KCNH8: variants seen among roughly 807,000 people sequenced by gnomAD.
KCNH8 encodes voltage-gated delayed rectifier potassium channel KCNH8.
In KCNH8, 70 loss-of-function variants were observed where a neutral mutation model predicts 103.6. That is an observed-to-expected ratio of 0.68 (90% CI 0.56 to 0.82). The LOEUF (loss-of-function observed/expected upper bound fraction) is 0.82. Ranked by LOEUF, KCNH8 falls within the 40% of genes least tolerant of loss-of-function variation. The pLI is 0.00. For synonymous variants in KCNH8, 498 were observed against 489.4 expected (o/e 1.02, Z -0.23); for missense variants, 1,217 against 1,329.9 (o/e 0.92, Z 1.32).
At chr3:19,389,831 T>G (rs1243065336) in intron 5 of KCNH8, among the ~76,000 whole-genome samples, 1 of 152,062 alleles carries the variant, frequency 6.6e-6, no homozygotes, top group Admixed American at 6.6e-5. Context: ...GTTCTCGTTT[T>G]GTTGCCCAGA....
At position 19,413,078 on chromosome 3, in the gene KCNH8, C is replaced by T. The variant is rs75638029; in HGVS notation, c.1177+17767C>T. On this transcript the variant is annotated intron_variant, in intron 7 of 15. Transcript: ENST00000328405. The stretch of plus-strand genomic sequence containing the variant: ...TACATATGCACTCGCATGTTCATTG[C>T]AGCACTATTCAAATGCAATAGCAAA... Among the ~76,000 whole-genome samples, 766 of 151,732 alleles carry T rather than the reference C, an allele frequency of 5.0e-3. 11 individuals carry two copies. Among genetic ancestry groups the T allele is most frequent in the African/African-American group, 0.017 (699 of 41,356 alleles).
intron 3 of KCNH8, among the ~76,000 whole-genome samples, chr3:19,284,869 TAA>T (rs1263075004): frequency 1.0e-5 from 1 of 96,458 alleles, no homozygotes; most frequent in African/African-American, 3.5e-5. Flanking sequence ...GTCCTTTTTA[TAA>T]AAAAAAAAAA....
chr3:19,202,382 A>G (rs1284496206), intron 1 of KCNH8, among the ~76,000 whole-genome samples: 1 of 152,170 alleles, frequency 6.6e-6, no homozygotes, highest in East Asian at 1.9e-4. Context: ...CAATGAAGTC[A>G]TTTCTAATTT....
intron 1 of KCNH8, among the ~76,000 whole-genome samples, chr3:19,179,958 G>A (rs180961529): frequency 4.6e-5 from 7 of 152,168 alleles, no homozygotes; most frequent in Admixed American, 2.6e-4. Context: ...GTTTTCTGAC[G>A]TAAGACTGAT....
At chr3:19,255,830 A>T (rs189509944) in intron 2 of KCNH8, among the ~76,000 whole-genome samples, 7 of 152,156 alleles carry the variant, frequency 4.6e-5, no homozygotes, top group Admixed American at 4.6e-4. Context: ...AAAAGTTAAG[A>T]CAAGGCTAGA....
At chr3:19,403,399 T>TATATATATATATATATAA (rs1491066162) in intron 7 of KCNH8, among the ~76,000 whole-genome samples, 1 of 139,768 alleles carries the variant, frequency 7.2e-6, no homozygotes, top group East Asian at 2.2e-4. Context: ...TATATATATA[T>TATATATATATATATATAA]AAAATCCTTC....
intron 11 of KCNH8, among the ~76,000 whole-genome samples, chr3:19,476,561 G>T (rs1046916446): frequency 2.6e-5 from 4 of 152,054 alleles, no homozygotes; most frequent in African/African-American, 9.7e-5. Context: ...TCACTGGGGG[G>T]CATGGGATCT....
rs566780285 is a variant in KCNH8, at chr3:19,154,454, A to G, written c.76+5659A>G. Among the ~76,000 whole-genome samples, 231 of 152,330 alleles carry G rather than the reference A, an allele frequency of 1.5e-3. 3 individuals carry two copies. The highest frequency in any genetic ancestry group is 4.9e-3 in the African/African-American group (202 of 41,580). On this transcript the variant is annotated intron_variant, in intron 1 of 15. Coordinates refer to ENST00000328405, the MANE Select transcript of KCNH8 (RefSeq NM_144633.3). ...TATTTTGGTAAAAAACTATGGTGCC[A>G]TCTATGTCTAGTTAAAAAACTTCCA...
At chr3:19,526,597 A>C (rs535718784) in intron 15 of KCNH8, among the ~76,000 whole-genome samples, 6 of 151,982 alleles carry the variant, frequency 3.9e-5, no homozygotes, top group Non-Finnish European at 8.8e-5. Context: ...CTAACTGTGG[A>C]CACTGACAAC....
intron 1 of KCNH8, among the ~76,000 whole-genome samples, chr3:19,246,862 C>T (rs932799459): frequency 2.0e-5 from 3 of 152,104 alleles, no homozygotes; most frequent in Admixed American, 2.0e-4. Flanking sequence ...TGCTGGCCCA[C>T]GACTATGCAC....
At chr3:19,348,084 T>C in intron 5 of KCNH8, 119 bp downstream of exon 5, 2 of 1,238,114 alleles carry the variant, frequency 1.6e-6, no homozygotes, top group Non-Finnish European at 2.2e-6. Context: ...TCAGCCTCTG[T>C]TGCAAATTTT....
intron 11 of KCNH8, among the ~76,000 whole-genome samples, chr3:19,509,819 G>A (rs2068753020): frequency 6.6e-6 from 1 of 152,060 alleles, no homozygotes; most frequent in Non-Finnish European, 1.5e-5. Flanking sequence ...AAAACAAGTG[G>A]AACAGAAAGG....
intron 1 of KCNH8, among the ~76,000 whole-genome samples, chr3:19,158,512 A>G (rs112959522): frequency 0.032 from 4,786 of 151,910 alleles, 252 homozygotes; most frequent in African/African-American, 0.11. Flanking sequence ...GGACTGATCT[A>G]CAGGAAATAC....
At chr3:19,326,382 T>TATATATATATATATATATATATATAA (rs879457927) in intron 3 of KCNH8, among the ~76,000 whole-genome samples, 5 of 142,548 alleles carry the variant, frequency 3.5e-5, no homozygotes, top group African/African-American at 1.3e-4. Context: ...TATATATATA[T>TATATATATATATATATATATATATAA]AATAAATGAT....
chr3:19,433,305 T>A (rs2067150241), intron 7 of KCNH8, among the ~76,000 whole-genome samples: 1 of 152,180 alleles, frequency 6.6e-6, no homozygotes, highest in Admixed American at 6.5e-5. Flanking sequence ...TACATGAGAA[T>A]GTGAAAATCT....
At chr3:19,355,116 A>C (rs945094134) in intron 5 of KCNH8, among the ~76,000 whole-genome samples, 2 of 152,242 alleles carry the variant, frequency 1.3e-5, no homozygotes, top group Non-Finnish European at 2.9e-5. Context: ...TATGCAGCCA[A>C]CAGACACATG....
intron 7 of KCNH8, among the ~76,000 whole-genome samples, chr3:19,403,401 A>ATATATATAT (rs1559311343): frequency 9.5e-6 from 1 of 105,212 alleles, no homozygotes; most frequent in Admixed American, 9.6e-5. Flanking sequence ...TATATATATA[A>ATATATATAT]AATCCTTCTG....
intron 3 of KCNH8, among the ~76,000 whole-genome samples, chr3:19,307,082 C>A (rs1262403713): frequency 2.6e-5 from 4 of 151,792 alleles, no homozygotes; most frequent in Admixed American, 1.3e-4. Flanking sequence ...CTACAGCCAA[C>A]TGATTTTTGA....
intron 7 of KCNH8, among the ~76,000 whole-genome samples, chr3:19,413,970 A>C (rs1302235195): frequency 1.1e-4 from 16 of 152,098 alleles, no homozygotes; most frequent in Admixed American, 1.0e-3. Flanking sequence ...TTTTCACTAA[A>C]AGCCAAGTAA....
Sources: allele counts gnomAD v4.1 joint callset (sites outside exome capture counted in the v4.1 genomes callset), GRCh38; gene constraint gnomAD v4.1.1; transcripts MANE v1.5; gene names NCBI Gene and HGNC (gene_info 2026-07-23, HGNC 2026-07-21).